MIA3: variants seen among roughly 807,000 people sequenced by gnomAD.
MIA3 encodes MIA SH3 domain ER export factor 3.
Under a neutral mutation model 192.4 loss-of-function variants are expected in MIA3, and 90 were observed. The ratio of observed to expected loss-of-function variants is 0.47; its 90% CI spans 0.39 to 0.56. The LOEUF is 0.56. Ranked by LOEUF, MIA3 falls within the 20% of genes least tolerant of loss-of-function variation. The pLI is 0.00. For missense variants in MIA3, 2,123 were observed against 2,269.4 expected (o/e 0.94, Z 1.31); for synonymous variants, 740 against 792.8 (o/e 0.93, Z 1.12).
chr1:222,626,717 G>T (rs1200636434), intron 3 of MIA3, among the ~76,000 whole-genome samples: 2 of 152,150 alleles, frequency 1.3e-5, no homozygotes, highest in African/African-American at 4.8e-5. Context: ...AAAATGGGGA[G>T]CCTCCTTTAC....
chr1:222,633,021 A>G, intron 5 of MIA3, 83 bp from the exon 6 acceptor site: 1 of 1,386,706 alleles, frequency 7.2e-7, no homozygotes, highest in Admixed American at 2.2e-5. Context: ...AGTGCCTAAT[A>G]TTTAGTGGAT....
intron 6 of MIA3, chr1:222,644,291 G>C (rs1292357905): frequency 7.1e-7 from 1 of 1,410,608 alleles, no homozygotes. Context: ...TGCGCCAGGG[G>C]CAGTGGCTGA....
rs1421945627 is a variant in MIA3, at chr1:222,667,714, C to CA, written c.*2096dup. On this transcript the variant is annotated 3_prime_UTR_variant, in exon 28 of 28. Coordinates refer to ENST00000344922, the MANE Select transcript of MIA3 (RefSeq NM_198551.4). ...AATATGCAGATGGCATAGGGAGTAT[C>CA]ATCCCTCAGCCAAATCACTTTTCCA... 1.3e-5 allele frequency: 2 copies of CA among 152,164 alleles called. No individual in the cohort carries two copies. The highest frequency in any genetic ancestry group is 3.8e-4 in the East Asian group (2 of 5,204). The allele number at this position is 152,164 out of a possible 1,614,324, so 9.4% of individuals were successfully genotyped here.
intron 5 of MIA3, 101 bp downstream of exon 5, chr1:222,632,427 A>G (rs1662441269): frequency 7.0e-6 from 7 of 1,005,284 alleles, no homozygotes; most frequent in South Asian, 5.0e-5. Flanking sequence ...TGTTAAATTC[A>G]AAGGAAAAAA....
In MIA3 at chr1:222,660,247, A is replaced by G; in HGVS notation, c.5046A>G (p.Thr1682=). The change falls in exon 24 of 28, where the codon ACA becomes ACG. Residue 1682 remains threonine (T), a synonymous_variant. Coordinates refer to ENST00000344922, the MANE Select transcript of MIA3 (RefSeq NM_198551.4). ...GTGGAGAATGCTCCCCTCCATTGAC[A>G]GTGGAGCCACCCGTGAGACCTCTCT... ...VSGGECSPPL[T]VEPPVRPLSA... is the part of the protein sequence containing the mutation. The G allele has an allele frequency of 6.2e-7, 1 of 1,614,054 alleles. No individual in the cohort carries two copies. The highest frequency in any genetic ancestry group is 8.5e-7 in the Non-Finnish European group (1 of 1,179,922).
At chr1:222,619,803 T>C (rs370877694) in intron 1 of MIA3, among the ~76,000 whole-genome samples, 20 of 152,252 alleles carry the variant, frequency 1.3e-4, no homozygotes, top group East Asian at 7.7e-4. Flanking sequence ...CCAAATACAA[T>C]AGGCATCAAC....
rs555849250 is a variant in MIA3 at position 222,648,130 on chromosome 1, G to A, written c.3610-699G>A. ...TGTCCTATAATTTAGTGCTGTCTTT[G>A]GGGGATGATTTGGGTGCCCTTTCAG... On this transcript the variant is annotated intron_variant, in intron 7 of 27. Coordinates refer to ENST00000344922, the MANE Select transcript of MIA3 (RefSeq NM_198551.4). Among the ~76,000 whole-genome samples, 58 of 152,190 alleles carry A rather than the reference G, an allele frequency of 3.8e-4. 1 individual carries two copies. In the South Asian group the frequency reaches 0.012, roughly 32 times the overall value.
At position 222,666,495 on chromosome 1, in the gene MIA3, C is replaced by T. The variant is rs971414262; in HGVS notation, c.*876C>T. 13 of 151,864 alleles carry T rather than the reference C, an allele frequency of 8.6e-5. No homozygotes were observed. The highest frequency in any genetic ancestry group is 3.1e-4 in the African/African-American group (13 of 41,332). The allele number at this position is 151,864 out of a possible 1,614,324, so 9.4% of individuals were successfully genotyped here. Reference sequence around the variant, plus strand: ...AAAAATGAAAATGATGTGTCATGGCCATAAAAGTATAGAAATCTTTAAAAA... The same window carrying T: ...AAAAATGAAAATGATGTGTCATGGCTATAAAAGTATAGAAATCTTTAAAAA... On this transcript the variant is annotated 3_prime_UTR_variant, in exon 28 of 28. Transcript: ENST00000344922.
In MIA3 at chr1:222,620,481, C is replaced by T. The variant is rs189990727; in HGVS notation, c.134-678C>T. 1.4e-3 allele frequency among the ~76,000 whole-genome samples: 215 copies of T among 152,312 alleles called. 1 individual carries two copies. The highest frequency in any genetic ancestry group is 4.9e-3 in the African/African-American group (202 of 41,568). ...GAAACTTAATTTTGGATACAGTCAA[C>T]ATTATTTACTTTCAGAAAATATTGC... On this transcript the variant is annotated intron_variant, in intron 1 of 27. Transcript: ENST00000344922.
At chr1:222,654,363 A>G in intron 16 of MIA3, 26 bp from the exon 17 acceptor site, 1 of 1,612,402 alleles carries the variant, frequency 6.2e-7, no homozygotes, top group South Asian at 1.1e-5. Flanking sequence ...ACTTTTATGA[A>G]TACTTGTCTC....
Position 222,632,258 on chromosome 1 carries a change from G to A in MIA3, c.3263G>A (p.Arg1088His), listed in dbSNP as rs145893374. The A allele has an allele frequency of 4.3e-5, 69 of 1,614,174 alleles. No individual in the cohort carries two copies. Among genetic ancestry groups the A allele is most frequent in the African/African-American group, 2.9e-4 (22 of 75,036 alleles). The change falls in exon 5 of 28, where the codon CGT becomes CAT. Residue 1088 changes from arginine to histidine, a missense_variant. Coordinates refer to ENST00000344922, the MANE Select transcript of MIA3 (RefSeq NM_198551.4). ...GAAGAACCCACCCACTTGGACCAAC[G>A]TGTGATTGGGGACACTCATGCCTCA... is the stretch of plus-strand genomic sequence containing the variant. ...VPEEPTHLDQ[R>H]VIGDTHASEV...
chr1:222,629,350 C>T lies in MIA3; in HGVS notation c.2130C>T (p.Ser710=), dbSNP rs1662283066. The T allele has an allele frequency of 1.9e-6, 3 of 1,614,152 alleles. No individual in the cohort carries two copies. Among genetic ancestry groups the T allele is most frequent in the East Asian group, 4.5e-5 (2 of 44,880 alleles). ...TEVGQTDQTD[S]TGGPAFLSKV... ...TAGGACAGACAGACCAAACTGACAG[C>T]ACAGGAGGACCAGCTTTCCTTTCTA... is the stretch of plus-strand genomic sequence containing the variant. Residue 710 remains serine, a synonymous_variant, in exon 4 of 28, where the codon AGC becomes AGT. Transcript: ENST00000344922.
chr1:222,634,150 T>G (rs531112936), intron 6 of MIA3, among the ~76,000 whole-genome samples: 2 of 152,096 alleles, frequency 1.3e-5, no homozygotes, highest in South Asian at 2.1e-4. Flanking sequence ...CCAGTTGGTG[T>G]TGTTAAAGTG....
At chr1:222,665,224 A>C in intron 27 of MIA3, 85 bp from the exon 28 acceptor site, 1 of 676,358 alleles carries the variant, frequency 1.5e-6, no homozygotes, top group Non-Finnish European at 2.5e-6. Flanking sequence ...AAAAAAAAGG[A>C]TGACAGACTA....
intron 27 of MIA3, chr1:222,664,830 T>G: frequency 3.0e-6 from 1 of 332,338 alleles, no homozygotes; most frequent in Non-Finnish European, 6.6e-6. Flanking sequence ...TTAGTCTGTC[T>G]TCTTGGTATG....
In MIA3 at chr1:222,630,171, C is replaced by A; in HGVS notation, c.2951C>A (p.Ser984Ter). 1 of 1,614,138 alleles carries A rather than the reference C, an allele frequency of 6.2e-7. No individual in the cohort carries two copies. The highest frequency in any genetic ancestry group is 1.1e-5 in the South Asian group (1 of 91,024). Residue 984 changes from serine (S) to a stop codon, truncating the protein, a stop_gained, in exon 4 of 28, where the codon TCA (serine) becomes TAA (stop). Transcript: ENST00000344922. LOFTEE classifies it high-confidence loss of function. The part of the protein sequence containing the change: ...VLDKVFRASE[S>*]QILSIAEKML... ...GATAAGGTCTTCCGTGCTTCTGAGT[C>A]ACAAATTCTGAGCATAGCAGAAAAA...
At position 222,665,568 on chromosome 1, in the gene MIA3, C is replaced by G; in HGVS notation, c.5673C>G (p.Ala1891=). ...PSGSRDEPPP[A]SQSTSQDCSQ... is the part of the protein sequence containing the mutation. Reference sequence around the variant, plus strand: ...GCTCTAGAGATGAGCCTCCACCTGCCTCTCAGAGCACTAGCCAGGACTGTT... The same window carrying G: ...GCTCTAGAGATGAGCCTCCACCTGCGTCTCAGAGCACTAGCCAGGACTGTT... The change falls in exon 28 of 28, where the codon GCC becomes GCG. Residue 1891 remains alanine (A), a synonymous_variant. Coordinates refer to ENST00000344922, the MANE Select transcript of MIA3 (RefSeq NM_198551.4). 1 of 1,613,944 alleles carries G rather than the reference C, an allele frequency of 6.2e-7. No individual in the cohort carries two copies. The highest frequency in any genetic ancestry group is 8.5e-7 in the Non-Finnish European group (1 of 1,179,880).
chr1:222,629,746 T>C lies in MIA3; in HGVS notation c.2526T>C (p.Gly842=), dbSNP rs148961092. 224 of 1,614,006 alleles carry C rather than the reference T, an allele frequency of 1.4e-4. No individual in the cohort carries two copies. The African/African-American group carries it at 2.8e-3, about 20-fold the overall frequency. Residue 842 remains glycine (G), a synonymous_variant, in exon 4 of 28, where the codon GGT becomes GGC. Transcript: ENST00000344922. ...TAAAAATTCAGACTCCAGAATTAGG[T>C]GAAGTGTTTCAGAATAAAGATTCTG... The part of the protein sequence containing the change: ...DSIKIQTPEL[G]EVFQNKDSDY...
At chr1:222,626,258 T>C (rs1028319908) in intron 3 of MIA3, among the ~76,000 whole-genome samples, 5 of 152,202 alleles carry the variant, frequency 3.3e-5, no homozygotes, top group African/African-American at 1.2e-4. Flanking sequence ...AGGGGTTATA[T>C]AGTCAATCGT....
Sources: allele counts gnomAD v4.1 joint callset (sites outside exome capture counted in the v4.1 genomes callset), GRCh38; gene constraint gnomAD v4.1.1; transcripts MANE v1.5; gene names NCBI Gene and HGNC (gene_info 2026-07-23, HGNC 2026-07-21).